RBFOX3: variants seen among roughly 807,000 people sequenced by gnomAD.
The protein encoded by RBFOX3 is RNA binding fox-1 homolog 3, also known as RNA binding protein fox-1 homolog 3.
A neutral mutation model predicts 48.7 loss-of-function variants in RBFOX3; 17 were observed. The observed-to-expected ratio is 0.35, with a 90% confidence interval of 0.24 to 0.52. The LOEUF is 0.52. RBFOX3 is among the 20% of genes least tolerant of loss of function. The pLI is 0.94. For synonymous variants in RBFOX3, 212 were observed against 209.5 expected (o/e 1.01, Z -0.10); for missense variants, 382 against 497.5 (o/e 0.77, Z 2.21).
rs150976491 is a variant in RBFOX3 at position 79,160,531 on chromosome 17, G to A, written c.-33-44783C>T. ...GTCCCTCCTGCTGTATATCCATCCC[G>A]AGCTCACCCTGGAGCAGGCCTGGGT... is the stretch of plus-strand genomic sequence containing the variant. On this transcript the variant is annotated intron_variant, in intron 4 of 14. Coordinates refer to ENST00000693108, the MANE Select transcript of RBFOX3 (RefSeq NM_001350451.2). Among the ~76,000 whole-genome samples the A allele has an allele frequency of 5.9e-4, 90 of 152,222 alleles. 1 individual carries two copies. Among genetic ancestry groups the A allele is most frequent in the Non-Finnish European group, 9.7e-4 (66 of 68,024 alleles).
chr17:79,322,093 A>G (rs1455260609), intron 2 of RBFOX3, among the ~76,000 whole-genome samples: 1 of 152,220 alleles, frequency 6.6e-6, no homozygotes, highest in African/African-American at 2.4e-5. Flanking sequence ...AAATAAATAT[A>G]AAAAGTGACA....
intron 4 of RBFOX3, among the ~76,000 whole-genome samples, chr17:79,216,038 T>C (rs1474811407): frequency 6.6e-6 from 1 of 152,232 alleles, no homozygotes; most frequent in Non-Finnish European, 1.5e-5. Flanking sequence ...GGTCCAGCAC[T>C]TGTCCCCTGC....
At chr17:79,292,109 G>A (rs531383281) in intron 3 of RBFOX3, among the ~76,000 whole-genome samples, 7 of 152,168 alleles carry the variant, frequency 4.6e-5, no homozygotes, top group Admixed American at 1.3e-4. Context: ...GGGTTGCTCT[G>A]AATTACTATG....
rs140922612 is a variant in RBFOX3, at chr17:79,290,543, C to T, written c.-74+17181G>A. ...GTTCAACACATGCCTGCCGTTGCCA[C>T]GTCCCTTCTCGGTATAGCCAAGGGA... On this transcript the variant is annotated intron_variant, in intron 3 of 14. Coordinates refer to ENST00000693108, the MANE Select transcript of RBFOX3 (RefSeq NM_001350451.2). Among the ~76,000 whole-genome samples the T allele has an allele frequency of 2.3e-3, 353 of 152,128 alleles. 2 individuals are homozygous for T. The highest frequency in any genetic ancestry group is 6.8e-3 in the Middle Eastern group (2 of 294).
At chr17:79,307,068 G>A (rs2076201147) in intron 3 of RBFOX3, among the ~76,000 whole-genome samples, 6 of 152,270 alleles carry the variant, frequency 3.9e-5, no homozygotes, top group Admixed American at 3.9e-4. Context: ...TCCCTGGGGA[G>A]AAGAATGAGC....
chr17:79,253,033 G>A (rs1387094674), intron 3 of RBFOX3, among the ~76,000 whole-genome samples: 1 of 152,180 alleles, frequency 6.6e-6, no homozygotes, highest in African/African-American at 2.4e-5. Context: ...ACCCTGCGGG[G>A]TGGTGCTGTG....
At chr17:79,414,262 C>G (rs535229513) in intron 2 of RBFOX3, among the ~76,000 whole-genome samples, 1 of 152,326 alleles carries the variant, frequency 6.6e-6, no homozygotes, top group Non-Finnish European at 1.5e-5. Context: ...AAAAAAATCA[C>G]TGTAAACAAA....
In RBFOX3 at chr17:79,097,685, CTT is replaced by C. The variant is rs1351338220; in HGVS notation, c.622+5_622+6del. 1.9e-6 allele frequency: 3 copies of C among 1,548,672 alleles called. No homozygotes were observed. Among genetic ancestry groups the C allele is most frequent in the Non-Finnish European group, 2.6e-6 (3 of 1,145,184 alleles). On this transcript the variant is annotated splice_donor_5th_base_variant and intron_variant, in intron 10 of 14. Transcript: ENST00000693108. ...TCATCCCATCCCCGCCCCGCCCCAG[CTT>C]TTACCTGCATAGAATTCAGGCCCGT...
At position 79,103,379 on chromosome 17, in the gene RBFOX3, T is replaced by C. The variant is rs2076800421; in HGVS notation, c.415-125A>G. The C allele has an allele frequency of 4.3e-5, 29 of 682,312 alleles. No individual in the cohort carries two copies. Among genetic ancestry groups the C allele is most frequent in the South Asian group, 3.8e-4 (22 of 58,462 alleles). 42.3% of individuals were successfully genotyped at this position (682,312 alleles called of 1,614,324 possible). On this transcript the variant is annotated intron_variant, in intron 7 of 14. Coordinates refer to ENST00000693108, the MANE Select transcript of RBFOX3 (RefSeq NM_001350451.2). This position sits in a 1 kb window ranked among gnomAD's most constrained non-coding sequence, Gnocchi z 6.1. ...GAGTGGGGAGAGAGAGAGAAGGGGT[T>C]GAGTCAGGTGAGTTGAGGCAGAGAC... is the stretch of plus-strand genomic sequence containing the variant.
In RBFOX3 at chr17:79,142,562, C is replaced by T. The variant is rs570170916; in HGVS notation, c.-33-26814G>A. Among the ~76,000 whole-genome samples, 11 of 152,082 alleles carry T rather than the reference C, an allele frequency of 7.2e-5. No individual in the cohort carries two copies. The South Asian group carries it at 1.2e-3, about 17-fold the overall frequency. ...GGGCTGCAACGCTGCAACTAAACTCCGCCAGCGGGGCACGGTGGCGGGAGG... is the reference window on the plus strand; with the variant it reads ...GGGCTGCAACGCTGCAACTAAACTCTGCCAGCGGGGCACGGTGGCGGGAGG... On this transcript the variant is annotated intron_variant, in intron 4 of 14. Coordinates refer to ENST00000693108, the MANE Select transcript of RBFOX3 (RefSeq NM_001350451.2).
At chr17:79,460,260 TG>T (rs1403109359) in intron 2 of RBFOX3, among the ~76,000 whole-genome samples, 1 of 152,162 alleles carries the variant, frequency 6.6e-6, no homozygotes, top group Admixed American at 6.5e-5. Context: ...TGTTATGTTA[TG>T]TACAATTTTA....
intron 3 of RBFOX3, among the ~76,000 whole-genome samples, chr17:79,303,987 T>TG (rs1407427038): frequency 2.6e-5 from 4 of 152,184 alleles, no homozygotes; most frequent in Non-Finnish European, 5.9e-5. Flanking sequence ...GCCTGCGACT[T>TG]GGGGTTTTAC....
chr17:79,294,167 C>T (rs2073929989), intron 3 of RBFOX3, among the ~76,000 whole-genome samples: 1 of 152,220 alleles, frequency 6.6e-6, no homozygotes, highest in South Asian at 2.1e-4. Flanking sequence ...TCCAACAAGC[C>T]GCTGCTCTTC....
chr17:79,429,090 A>T (rs556758757), intron 2 of RBFOX3, among the ~76,000 whole-genome samples: 98 of 152,104 alleles, frequency 6.4e-4, no homozygotes, highest in Non-Finnish European at 1.3e-3. Flanking sequence ...TGCCAACAAC[A>T]CCTCTGCCAA....
Position 79,204,938 on chromosome 17 carries a change from G to A in RBFOX3, c.-34+30828C>T, listed in dbSNP as rs1030755999. ...GGTGTTCCTGGGGATGAAATGGATG[G>A]GTGGCCAAGTAGGGTATTGCTTGGC... is the stretch of plus-strand genomic sequence containing the variant. On this transcript the variant is annotated intron_variant, in intron 4 of 14. Coordinates refer to ENST00000693108, the MANE Select transcript of RBFOX3 (RefSeq NM_001350451.2). The surrounding 1 kb of genome is among the most constrained non-coding windows in gnomAD (Gnocchi z 4.5). Among the ~76,000 whole-genome samples the A allele has an allele frequency of 6.6e-6, 1 of 152,122 alleles. No homozygotes were observed. The highest frequency in any genetic ancestry group is 1.5e-5 in the Non-Finnish European group (1 of 68,026).
At chr17:79,609,566 G>T (rs950470667) in intron 1 of RBFOX3, among the ~76,000 whole-genome samples, 1 of 152,188 alleles carries the variant, frequency 6.6e-6, no homozygotes, top group Non-Finnish European at 1.5e-5. Flanking sequence ...AGCTGGAACG[G>T]AAAGGGGAGG....
At chr17:79,115,927 C>T (rs2707053) in intron 4 of RBFOX3, among the ~76,000 whole-genome samples, 179 bp from the exon 5 acceptor site, 24,530 of 152,112 alleles carry the variant, frequency 0.16, 2,212 homozygotes, top group Middle Eastern at 0.23. Context: ...GGGGGTGCTG[C>T]GCTGGGAATG....
chr17:79,357,952 T>G (rs576696477), intron 2 of RBFOX3, among the ~76,000 whole-genome samples: 51 of 151,036 alleles, frequency 3.4e-4, no homozygotes, highest in African/African-American at 1.2e-3. Context: ...ATTATTATTA[T>G]TATTATATAT....
At chr17:79,447,196 C>T (rs192337551) in intron 2 of RBFOX3, among the ~76,000 whole-genome samples, 25 of 152,354 alleles carry the variant, frequency 1.6e-4, no homozygotes, top group African/African-American at 5.3e-4. Context: ...CCGCTTTCGG[C>T]ATGCCTCCAT....
Sources: gnomAD v4.1 joint callset for allele counts (sites outside exome capture counted in the v4.1 genomes callset) on GRCh38, gnomAD v4.1.1 for gene constraint, Gnocchi (gnomAD v3.1) non-coding constraint, MANE v1.5 for transcripts, NCBI Gene and HGNC (gene_info 2026-07-23, HGNC 2026-07-21) for gene names.